Variants in KRT81 observed in about 807,000 individuals in gnomAD.
KRT81 encodes the protein keratin, type II cuticular Hb1.
A neutral mutation model predicts 35.8 loss-of-function variants in KRT81; 35 were observed. That is an observed-to-expected ratio of 0.98 (90% confidence interval 0.75 to 1.30). The LOEUF (loss-of-function observed/expected upper bound fraction) is 1.30, where lower values mean the gene tolerates loss of function less well. Ranked by LOEUF, KRT81 falls within the 50% of genes most tolerant of loss-of-function variation. The probability of loss-of-function intolerance (pLI) is 0.00; values close to 1 mark genes in which losing one functional copy is unlikely to be tolerated. For missense variants in KRT81, 531 were observed against 577.4 expected (o/e 0.92, Z 0.82); for synonymous variants, 249 against 251.2 (o/e 0.99, Z 0.08).
In KRT81 at chr12:52,286,189, G is replaced by T; in HGVS notation, c.*66C>A. ...GCTGAGCACTTGCTCCAGGCGCCTG[G>T]ACTGGATGGGCCAAGCAAGGCAGGG... On this transcript the variant is annotated 3_prime_UTR_variant, in exon 9 of 9. Coordinates refer to ENST00000327741, the MANE Select transcript of KRT81 (RefSeq NM_002281.4). 1.5e-6 allele frequency: 2 copies of T among 1,348,972 alleles called. No homozygotes were observed. Among genetic ancestry groups the T allele is most frequent in the South Asian group, 1.3e-5 (1 of 79,740 alleles). 83.6% of individuals were successfully genotyped at this position (1,348,972 alleles called of 1,614,324 possible).
Position 52,287,605 on chromosome 12 carries a change from G to A in KRT81, c.1017C>T (p.Ala339=). 1 of 1,613,882 alleles carries A rather than the reference G, an allele frequency of 6.2e-7. No individual in the cohort carries two copies. The highest frequency in any genetic ancestry group is 8.5e-7 in the Non-Finnish European group (1 of 1,179,840). Residue 339 remains alanine, a synonymous_variant, in exon 6 of 9, where the codon GCC becomes GCT. Transcript: ENST00000327741. ...IQRLTAEVEN[A]KCQNSKLEAA... ...CACAGATGCCCCATACCTGGCACTT[G>A]GCATTCTCCACCTCGGCCGTCAGCC... is the stretch of plus-strand genomic sequence containing the variant.
At chr12:52,288,593 G>C in intron 3 of KRT81, 137 bp from the exon 4 acceptor site, 1 of 1,082,308 alleles carries the variant, frequency 9.2e-7, no homozygotes, top group Non-Finnish European at 1.4e-6. Flanking sequence ...CTCCCCTTCT[G>C]CCCTTCCTGG....
intron 8 of KRT81, 117 bp downstream of exon 8, chr12:52,286,674 T>C (rs376358397): frequency 6.3e-6 from 8 of 1,261,092 alleles, no homozygotes; most frequent in Non-Finnish European, 1.1e-6. Flanking sequence ...AAATCCCTCC[T>C]GTTGTGATGC....
At chr12:52,288,557 C>G in intron 3 of KRT81, 101 bp from the exon 4 acceptor site, 1 of 1,375,724 alleles carries the variant, frequency 7.3e-7, no homozygotes, top group Non-Finnish European at 1.0e-6. Context: ...GAAAGCAGTC[C>G]CTGGTGTCCC....
chr12:52,288,390 T>C lies in KRT81; in HGVS notation c.706A>G (p.Ile236Val). The change falls in exon 4 of 9, where the codon ATC becomes GTC. Residue 236 changes from isoleucine (I) to valine (V), a missense_variant. By Grantham distance (29) the Ile-to-Val change is conservative (BLOSUM62 3). Around this residue, in one of 5 missense-constraint regions of KRT81, gnomAD observed 194 missense variants for 198.2 expected, o/e 0.98. Coordinates refer to ENST00000327741, the MANE Select transcript of KRT81 (RefSeq NM_002281.4). ...TCATACAGCCGCCTCAGGAAGTCGA[T>C]CTCCTGGATCAGGGCCTCCACGTTG... is the stretch of plus-strand genomic sequence containing the variant. The part of the protein sequence containing the change: ...EANVEALIQE[I>V]DFLRRLYEEE... 6.2e-7 allele frequency: 1 copy of C among 1,614,064 alleles called. No individual in the cohort carries two copies. Among genetic ancestry groups the C allele is most frequent in the Non-Finnish European group, 8.5e-7 (1 of 1,179,984 alleles).
intron 5 of KRT81, 70 bp from the exon 6 acceptor site, chr12:52,287,791 T>A: frequency 6.2e-7 from 1 of 1,613,584 alleles, no homozygotes; most frequent in Non-Finnish European, 8.5e-7. Flanking sequence ...CCACAGATGA[T>A]TTTGCAGGTT....
Position 52,288,073 on chromosome 12 carries a change from T to C in KRT81, c.811A>G (p.Met271Val), listed in dbSNP as rs1938016865. The change falls in exon 5 of 9, where the codon ATG becomes GTG. Residue 271 changes from methionine (M) to valine (V), a missense_variant. Physicochemically the swap from Met to Val is conservative, Grantham distance 21. Transcript: ENST00000327741. ...VKLDNSRDLNMDCIIAEIKAQ... is the reference protein window; with the variant it reads ...VKLDNSRDLNVDCIIAEIKAQ... ...TTAATCTCGGCAATGATGCAGTCCA[T>C]GTTCAGGTCCCGGCTGTTGTCCAGC... 6 of 1,614,222 alleles carry C rather than the reference T, an allele frequency of 3.7e-6. No homozygotes were observed. Among genetic ancestry groups the C allele is most frequent in the Admixed American group, 1.7e-5 (1 of 60,030 alleles).
Position 52,287,003 on chromosome 12 carries a change from T to C in KRT81, c.1247+99A>G. On this transcript the variant is annotated intron_variant, in intron 7 of 8. Coordinates refer to ENST00000327741, the MANE Select transcript of KRT81 (RefSeq NM_002281.4). ...CACCGGAAGTGAATAATAATATTTT[T>C]TTCCCCCAGAGCCCTGGCCATTGCT... The C allele has an allele frequency of 1.9e-6, 3 of 1,602,214 alleles. No individual in the cohort carries two copies. In the South Asian group the frequency reaches 3.3e-5, roughly 18 times the overall value.
Position 52,286,825 on chromosome 12 carries a change from G to A in KRT81, c.1248-3C>T, listed in dbSNP as rs761110090. 3.7e-6 allele frequency: 6 copies of A among 1,613,904 alleles called. No individual in the cohort carries two copies. In the South Asian group the frequency reaches 6.6e-5, roughly 18 times the overall value. On this transcript the variant is annotated splice_region_variant and splice_polypyrimidine_tract_variant and intron_variant, in intron 7 of 8. Transcript: ENST00000327741. ...CAGCCCCAATGCCTTCACATAGCCT[G>A]AGGGCAAAAGAGAAAAAGGCAACAT...
In KRT81 at chr12:52,288,350, T is replaced by G. The variant is rs201993882; in HGVS notation, c.735+11A>C. On this transcript the variant is annotated intron_variant, in intron 4 of 8. Coordinates refer to ENST00000327741, the MANE Select transcript of KRT81 (RefSeq NM_002281.4). ...GGCTGCCAGGTTTCTGTCTGGCCCC[T>G]GAGCCCGCACCTCCTCATACAGCCG... 1,138 of 1,613,966 alleles carry G rather than the reference T, an allele frequency of 7.1e-4. 9 individuals are homozygous for G. In the African/African-American group the frequency reaches 0.014, roughly 20 times the overall value.
At chr12:52,289,026 T>G (rs1437170680) in intron 3 of KRT81, among the ~76,000 whole-genome samples, 189 bp downstream of exon 3, 2 of 124,724 alleles carry the variant, frequency 1.6e-5, no homozygotes, top group Admixed American at 8.4e-5. Context: ...CTGGTAGATA[T>G]TCCCAAGTCA....
In KRT81 at chr12:52,286,432, TG is replaced by T; in HGVS notation, c.1340del (p.Pro447GlnfsTer2). 6.4e-7 allele frequency: 1 copy of T among 1,553,024 alleles called. No homozygotes were observed. Among genetic ancestry groups the T allele is most frequent in the Admixed American group, 2.0e-5 (1 of 51,256 alleles). ...CGDLCVSGSR[P>X]VTGSVCSAPC... ...GAGCGCTGCAGACACTGCCAGTCACTGGCCGGGAGCCTGACACGCAGAGGTC... is the reference window on the plus strand; with the variant it reads ...GAGCGCTGCAGACACTGCCAGTCACTGCCGGGAGCCTGACACGCAGAGGTC... On this transcript the variant is annotated frameshift_variant, in exon 9 of 9. Coordinates refer to ENST00000327741, the MANE Select transcript of KRT81 (RefSeq NM_002281.4). LOFTEE classifies it low-confidence loss of function (END_TRUNC).
chr12:52,288,026 G>T lies in KRT81; in HGVS notation c.858C>A (p.Val286=), dbSNP rs777470536. The T allele has an allele frequency of 1.9e-6, 3 of 1,614,104 alleles. No individual in the cohort carries two copies. Among genetic ancestry groups the T allele is most frequent in the Admixed American group, 3.3e-5 (2 of 60,008 alleles). Reference sequence around the variant, plus strand: ...ACTCGGCCTCGGCCCGGCTGCGGGTGACAATGTCGTCATACTGTGCCTTAA... The same window carrying T: ...ACTCGGCCTCGGCCCGGCTGCGGGTTACAATGTCGTCATACTGTGCCTTAA... The part of the protein sequence containing the change: ...AEIKAQYDDI[V]TRSRAEAESW... The change falls in exon 5 of 9, where the codon GTC becomes GTA. Residue 286 remains valine, a synonymous_variant. Transcript: ENST00000327741.
At position 52,286,387 on chromosome 12, in the gene KRT81, C is replaced by G; in HGVS notation, c.1386G>C (p.Ala462=). The G allele has an allele frequency of 6.4e-7, 1 of 1,555,350 alleles. No homozygotes were observed. Among genetic ancestry groups the G allele is most frequent in the East Asian group, 2.4e-5 (1 of 41,382 alleles). Residue 462 remains alanine (A), a synonymous_variant, in exon 9 of 9, where the codon GCG becomes GCC. Transcript: ENST00000327741. ...AGGGCGCACACAGGCCGGTGCTCAC[C>G]GCCACGTTCCCGTTGCACGGAGCGC... ...VCSAPCNGNV[A]VSTGLCAPCG...
At chr12:52,287,025 T>C in intron 7 of KRT81, 77 bp downstream of exon 7, 1 of 1,609,822 alleles carries the variant, frequency 6.2e-7, no homozygotes, top group Non-Finnish European at 8.5e-7. Flanking sequence ...CCCTGGCCAT[T>C]GCTCAGCCAA....
chr12:52,288,344 G>A lies in KRT81; in HGVS notation c.735+17C>T. The A allele has an allele frequency of 6.2e-7, 1 of 1,613,712 alleles. No individual in the cohort carries two copies. Among genetic ancestry groups the A allele is most frequent in the Non-Finnish European group, 8.5e-7 (1 of 1,179,834 alleles). ...TCTGCTGGCTGCCAGGTTTCTGTCTGGCCCCTGAGCCCGCACCTCCTCATA... is the reference window on the plus strand; with the variant it reads ...TCTGCTGGCTGCCAGGTTTCTGTCTAGCCCCTGAGCCCGCACCTCCTCATA... On this transcript the variant is annotated intron_variant, in intron 4 of 8. Coordinates refer to ENST00000327741, the MANE Select transcript of KRT81 (RefSeq NM_002281.4).
In KRT81 at chr12:52,288,397, G is replaced by C. The variant is rs1938032821; in HGVS notation, c.699C>G (p.Ile233Met). ...GCCGCCTCAGGAAGTCGATCTCCTG[G>C]ATCAGGGCCTCCACGTTGGCCTCCA... ...SDLEANVEAL[I>M]QEIDFLRRLY... Residue 233 changes from isoleucine to methionine, a missense_variant, in exon 4 of 9, where the codon ATC becomes ATG. Physicochemically the swap from Ile to Met is conservative, Grantham distance 10. Around this residue, in one of 5 missense-constraint regions of KRT81, gnomAD observed 194 missense variants for 198.2 expected, o/e 0.98. Transcript: ENST00000327741. 1 of 1,614,044 alleles carries C rather than the reference G, an allele frequency of 6.2e-7. No individual in the cohort carries two copies. Among genetic ancestry groups the C allele is most frequent in the South Asian group, 1.1e-5 (1 of 91,082 alleles).
In KRT81 at chr12:52,288,067, A is replaced by C. The variant is rs1780705660; in HGVS notation, c.817T>G (p.Cys273Gly). ...LDNSRDLNMD[C>G]IIAEIKAQYD... ...TGTGCCTTAATCTCGGCAATGATGCAGTCCATGTTCAGGTCCCGGCTGTTG... is the reference window on the plus strand; with the variant it reads ...TGTGCCTTAATCTCGGCAATGATGCCGTCCATGTTCAGGTCCCGGCTGTTG... The change falls in exon 5 of 9, where the codon TGC (cysteine) becomes GGC (glycine). Residue 273 changes from cysteine to glycine, a missense_variant. Cys to Gly is a radical substitution (Grantham distance 159). Coordinates refer to ENST00000327741, the MANE Select transcript of KRT81 (RefSeq NM_002281.4). 6.2e-7 allele frequency: 1 copy of C among 1,614,078 alleles called. No individual in the cohort carries two copies. The highest frequency in any genetic ancestry group is 8.5e-7 in the Non-Finnish European group (1 of 1,180,042).
intron 8 of KRT81, 84 bp downstream of exon 8, chr12:52,286,707 T>A: frequency 6.9e-7 from 1 of 1,447,480 alleles, no homozygotes; most frequent in East Asian, 2.3e-5. Context: ...TTATATTCAA[T>A]CTCAGTAACA....
Sources: allele counts gnomAD v4.1 joint callset (sites outside exome capture counted in the v4.1 genomes callset), GRCh38; gene constraint gnomAD v4.1.1; regional missense constraint gnomAD v4.1.1; transcripts MANE v1.5; gene names NCBI Gene and HGNC (gene_info 2026-07-23, HGNC 2026-07-21).